KAZN: variants seen among roughly 807,000 people sequenced by gnomAD.
The protein encoded by KAZN is kazrin, periplakin interacting protein.
In KAZN, 40 loss-of-function variants were observed where a neutral mutation model predicts 87.4. That is an observed-to-expected ratio of 0.46 (90% CI 0.36 to 0.60). The LOEUF is 0.60. KAZN is among the 20% of genes least tolerant of loss of function. KAZN has a pLI of 0.00. For missense variants in KAZN, 898 were observed against 1,073.9 expected, an observed-to-expected ratio of 0.84 and a Z score of 2.29; for synonymous variants, 466 against 458.3, an observed-to-expected ratio of 1.02 and a Z score of -0.22.
intron 1 of KAZN, among the ~76,000 whole-genome samples, chr1:13,911,301 G>A (rs529959515): frequency 1.2e-4 from 18 of 152,206 alleles, no homozygotes; most frequent in Admixed American, 2.6e-4. Context: ...CACCTGCCTC[G>A]GCCTCCCAAA....
At position 14,216,955 on chromosome 1, in the gene KAZN, A is replaced by G. The variant is rs1291986660; in HGVS notation, c.249+36363A>G. Among the ~76,000 whole-genome samples, 4 of 152,200 alleles carry G rather than the reference A, an allele frequency of 2.6e-5. No individual in the cohort carries two copies. In the South Asian group the frequency reaches 8.3e-4, roughly 31 times the overall value. ...CAAATTTTACATAGAAATGGGCAACAGGAAAAGATCACAGTTGCTACGGTT... is the reference window on the plus strand; with the variant it reads ...CAAATTTTACATAGAAATGGGCAACGGGAAAAGATCACAGTTGCTACGGTT... On this transcript the variant is annotated intron_variant, in intron 2 of 16. Transcript: ENST00000636203.
intron 1 of KAZN, among the ~76,000 whole-genome samples, chr1:14,049,800 T>C (rs950865104): frequency 5.3e-5 from 8 of 152,238 alleles, no homozygotes; most frequent in Admixed American, 1.3e-4. Flanking sequence ...GACAGTGCCC[T>C]TGCTCTCAGG....
At chr1:13,961,473 G>A (rs12090537) in intron 1 of KAZN, among the ~76,000 whole-genome samples, 56,123 of 152,012 alleles carry the variant, frequency 0.37, 10,918 homozygotes, top group African/African-American at 0.49. Context: ...TGTTTGGGCT[G>A]GGCTGGGATG....
intron 2 of KAZN, among the ~76,000 whole-genome samples, chr1:14,557,417 C>T (rs1225990219): frequency 6.6e-6 from 1 of 151,812 alleles, no homozygotes; most frequent in Non-Finnish European, 1.5e-5. Flanking sequence ...TCCATAGGTG[C>T]CAGATACATA....
chr1:14,938,111 G>A (rs1335195163), intron 1 of KAZN, among the ~76,000 whole-genome samples: 2 of 152,182 alleles, frequency 1.3e-5, no homozygotes, highest in African/African-American at 4.8e-5. Context: ...GAGCCCCACT[G>A]CCTGGGTGCA....
intron 1 of KAZN, among the ~76,000 whole-genome samples, chr1:14,751,006 T>C (rs774745424): frequency 2.0e-4 from 30 of 152,198 alleles, no homozygotes; most frequent in Non-Finnish European, 3.8e-4. Flanking sequence ...GGTTCCCTTG[T>C]TACGTGGCGA....
chr1:14,270,203 T>C (rs879822887), intron 2 of KAZN, among the ~76,000 whole-genome samples: 1 of 152,246 alleles, frequency 6.6e-6, no homozygotes, highest in Non-Finnish European at 1.5e-5. Flanking sequence ...TGCTCATCCC[T>C]GATCAATGAC....
At chr1:14,736,465 A>ATTTT (rs756285598) in intron 1 of KAZN, among the ~76,000 whole-genome samples, 4 of 108,042 alleles carry the variant, frequency 3.7e-5, no homozygotes, top group Admixed American at 9.8e-5. Flanking sequence ...CACCCAGCTA[A>ATTTT]TTTTTTTTTT....
chr1:14,430,686 C>T (rs545340594), intron 2 of KAZN, among the ~76,000 whole-genome samples: 67 of 152,316 alleles, frequency 4.4e-4, no homozygotes, highest in Admixed American at 6.5e-4. Flanking sequence ...GTTCCCTTGA[C>T]GGTGGTGTGG....
At position 14,774,959 on chromosome 1, in the gene KAZN, T is replaced by A. The variant is rs141182368; in HGVS notation, c.226+175736T>A. 2.0e-5 allele frequency among the ~76,000 whole-genome samples: 3 copies of A among 152,260 alleles called. No individual in the cohort carries two copies. The East Asian group carries it at 5.8e-4, about 29-fold the overall frequency. ...AGCCCATGGAATATCCAGCACTTGA[T>A]TGATCAAAAGCAGACACGGTCCTGC... On this transcript the variant is annotated intron_variant, in intron 1 of 14. Transcript: ENST00000376030.
intron 2 of KAZN, among the ~76,000 whole-genome samples, chr1:14,551,089 A>T (rs1488573541): frequency 6.6e-6 from 1 of 152,140 alleles, no homozygotes; most frequent in African/African-American, 2.4e-5. Context: ...AATAGTCATT[A>T]TGTTACATAT....
intron 1 of KAZN, among the ~76,000 whole-genome samples, chr1:14,873,808 C>T (rs893960722): frequency 3.9e-5 from 6 of 152,148 alleles, no homozygotes; most frequent in African/African-American, 1.4e-4. Flanking sequence ...AGGGAGAGAG[C>T]AGTGCAAAGT....
chr1:14,913,849 C>T (rs1657511658), intron 1 of KAZN, among the ~76,000 whole-genome samples: 1 of 152,204 alleles, frequency 6.6e-6, no homozygotes, highest in African/African-American at 2.4e-5. Context: ...CAGCCGCAGG[C>T]GTGTGCAGAC....
At chr1:14,320,725 A>G (rs1169412936) in intron 2 of KAZN, among the ~76,000 whole-genome samples, 1 of 152,198 alleles carries the variant, frequency 6.6e-6, no homozygotes, top group African/African-American at 2.4e-5. Context: ...TTCTTAGAAA[A>G]ACCGCAACAG....
chr1:14,580,681 T>C (rs1488781890), intron 2 of KAZN, among the ~76,000 whole-genome samples: 2 of 152,058 alleles, frequency 1.3e-5, no homozygotes, highest in African/African-American at 4.8e-5. Context: ...CCTACTCTGC[T>C]CTGGGTTTTA....
chr1:14,977,883 CTTTTTTTTTTTTTT>C (rs34375176), intron 2 of KAZN, among the ~76,000 whole-genome samples: 1 of 91,114 alleles, frequency 1.1e-5, no homozygotes, highest in African/African-American at 5.5e-5. Flanking sequence ...GGGTGCACGT[CTTTTTTTTTTTTTT>C]TTTTTTTTTT....
At chr1:14,524,312 G>A (rs570309223) in intron 2 of KAZN, among the ~76,000 whole-genome samples, 3 of 152,150 alleles carry the variant, frequency 2.0e-5, no homozygotes, top group South Asian at 2.1e-4. Flanking sequence ...ATGAGCCACC[G>A]CACCCAACGA....
At position 15,103,444 on chromosome 1, in the gene KAZN, G is replaced by A. The variant is rs1381653247; in HGVS notation, c.1865G>A (p.Arg622Gln). The A allele has an allele frequency of 5.8e-6, 9 of 1,549,874 alleles. No homozygotes were observed. In the South Asian group the frequency reaches 7.1e-5, roughly 12 times the overall value. Residue 622 changes from arginine (R) to glutamine (Q), a missense_variant, in exon 12 of 15, where the codon CGA (arginine) becomes CAA (glutamine). This residue lies in a region of KAZN where 521 missense variants were observed against 689.4 expected (regional missense o/e 0.76). Coordinates refer to ENST00000376030, the MANE Select transcript of KAZN (RefSeq NM_201628.3). ...AACCAGCGGGTGCTCAAGTGGGTTC[G>A]AGACATCGACCTGAAGGTGAGGGTG... is the stretch of plus-strand genomic sequence containing the variant. ...WTNQRVLKWV[R>Q]DIDLKEYADN...
chr1:14,018,570 C>A (rs1027790824), intron 1 of KAZN, among the ~76,000 whole-genome samples: 1 of 152,028 alleles, frequency 6.6e-6, no homozygotes, highest in Non-Finnish European at 1.5e-5. Context: ...TGTGTCTGTG[C>A]GGGTGTTTTC....
Sources: allele counts gnomAD v4.1 joint callset (sites outside exome capture counted in the v4.1 genomes callset), GRCh38; gene constraint gnomAD v4.1.1; regional missense constraint gnomAD v4.1.1; transcripts MANE v1.5; gene names NCBI Gene and HGNC (gene_info 2026-07-23, HGNC 2026-07-21).